Variants in CCDC60 observed in about 807,000 individuals in gnomAD.
CCDC60 encodes coiled-coil domain containing 60.
CCDC60 carries 54 observed loss-of-function variants against 63.5 expected under a neutral mutation model. The ratio of observed to expected loss-of-function variants is 0.85; its 90% CI spans 0.68 to 1.07. CCDC60 has a LOEUF of 1.07. Ranked by LOEUF, CCDC60 falls within the 50% of genes least tolerant of loss-of-function variation. The pLI, the probability that CCDC60 is intolerant of heterozygous loss-of-function variation, is 0.00. For missense variants in CCDC60, 651 were observed against 684.3 expected (o/e 0.95, Z 0.54); for synonymous variants, 206 against 238.8 (o/e 0.86, Z 1.27).
intron 2 of CCDC60, among the ~76,000 whole-genome samples, chr12:119,442,605 GAAGAT>G (rs1365234149): frequency 3.3e-5 from 5 of 152,134 alleles, no homozygotes; most frequent in African/African-American, 9.7e-5. Context: ...ACTATTTAGA[GAAGAT>G]AAGGACTGTT....
intron 1 of CCDC60, among the ~76,000 whole-genome samples, chr12:119,426,095 G>A (rs763412552): frequency 3.3e-5 from 5 of 152,060 alleles, no homozygotes; most frequent in Non-Finnish European, 7.4e-5. Flanking sequence ...CTCTCCACCC[G>A]CTTCACCCAT....
At chr12:119,536,686 G>T (rs892706441) in intron 13 of CCDC60, among the ~76,000 whole-genome samples, 3 of 152,064 alleles carry the variant, frequency 2.0e-5, no homozygotes, top group African/African-American at 7.2e-5. Context: ...GCTTAGTTTG[G>T]CTGGATATGA....
At chr12:119,412,269 A>G (rs1956616645) in intron 1 of CCDC60, among the ~76,000 whole-genome samples, 1 of 149,254 alleles carries the variant, frequency 6.7e-6, no homozygotes, top group African/African-American at 2.4e-5. Context: ...TGCTCTTCAC[A>G]TTAAAAAAAA....
intron 1 of CCDC60, among the ~76,000 whole-genome samples, chr12:119,374,547 G>A (rs1955931739): frequency 6.6e-6 from 1 of 152,118 alleles, no homozygotes. Flanking sequence ...CCTGGAAAGG[G>A]GTCTTGATCG....
chr12:119,482,133 C>T (rs1471665313), intron 4 of CCDC60, among the ~76,000 whole-genome samples: 1 of 140,710 alleles, frequency 7.1e-6, no homozygotes, highest in African/African-American at 2.6e-5. Context: ...CATATATATA[C>T]ACATATATAT....
At chr12:119,386,742 G>C (rs1434106767) in intron 1 of CCDC60, among the ~76,000 whole-genome samples, 1 of 152,060 alleles carries the variant, frequency 6.6e-6, no homozygotes, top group Non-Finnish European at 1.5e-5. Context: ...TAAGACTAAT[G>C]GTACCCAACT....
At chr12:119,358,050 ATC>A (rs1216568748) in intron 1 of CCDC60, among the ~76,000 whole-genome samples, 1 of 152,054 alleles carries the variant, frequency 6.6e-6, no homozygotes, top group East Asian at 1.9e-4. Flanking sequence ...AAACAACCAG[ATC>A]TCATGAGCAC....
intron 1 of CCDC60, among the ~76,000 whole-genome samples, chr12:119,363,997 T>C (rs1446943204): frequency 1.3e-5 from 2 of 152,206 alleles, no homozygotes; most frequent in Non-Finnish European, 2.9e-5. Flanking sequence ...CTTCTTTTGC[T>C]TCCATGGCTC....
chr12:119,463,479 CCA>C (rs1950895881), intron 2 of CCDC60, among the ~76,000 whole-genome samples: 1 of 152,322 alleles, frequency 6.6e-6, no homozygotes, highest in South Asian at 2.1e-4. Context: ...TCTTTCCTGA[CCA>C]CAGTTTCCTT....
At chr12:119,404,983 C>T (rs1049511192) in intron 1 of CCDC60, among the ~76,000 whole-genome samples, 17 of 152,184 alleles carry the variant, frequency 1.1e-4, no homozygotes, top group African/African-American at 4.1e-4. Context: ...CTCTGATTAA[C>T]CCCAGGAAAG....
At position 119,411,415 on chromosome 12, in the gene CCDC60, G is replaced by A. The variant is rs139817707; in HGVS notation, c.91-17268G>A. 4.4e-3 allele frequency among the ~76,000 whole-genome samples: 668 copies of A among 152,128 alleles called. 6 individuals are homozygous for A. Among genetic ancestry groups the A allele is most frequent in the African/African-American group, 0.015 (618 of 41,514 alleles). The stretch of plus-strand genomic sequence containing the variant: ...AGCCAGCTTGGGGGTGAAAAGCCTC[G>A]TTCATGTTCTGAACCCGGGAGGCGG... On this transcript the variant is annotated intron_variant, in intron 1 of 13. Transcript: ENST00000327554.
chr12:119,538,009 G>A (rs1953055716), intron 13 of CCDC60, among the ~76,000 whole-genome samples: 1 of 152,206 alleles, frequency 6.6e-6, no homozygotes, highest in Admixed American at 6.5e-5. Context: ...GTTCAGCTAT[G>A]CCCTGCCCCC....
chr12:119,477,589 T>A (rs1394094157), intron 3 of CCDC60, among the ~76,000 whole-genome samples: 2 of 152,210 alleles, frequency 1.3e-5, no homozygotes, highest in African/African-American at 4.8e-5. Context: ...TAGAAATGAA[T>A]GAATCAGGGA....
Position 119,376,295 on chromosome 12 carries a change from A to G in CCDC60, c.90+41029A>G, listed in dbSNP as rs559959179. Among the ~76,000 whole-genome samples the G allele has an allele frequency of 3.9e-5, 6 of 152,256 alleles. No individual in the cohort carries two copies. The South Asian group carries it at 6.2e-4, about 16-fold the overall frequency. On this transcript the variant is annotated intron_variant, in intron 1 of 13. Coordinates refer to ENST00000327554, the MANE Select transcript of CCDC60 (RefSeq NM_178499.5). Reference sequence around the variant, plus strand: ...TGATCACTTTGATCCCTCCTGTCCTATCTTTCCAGGAATACCTGCAGGTCT... The same window carrying G: ...TGATCACTTTGATCCCTCCTGTCCTGTCTTTCCAGGAATACCTGCAGGTCT...
intron 5 of CCDC60, among the ~76,000 whole-genome samples, chr12:119,496,141 T>G (rs963159955): frequency 1.3e-5 from 2 of 152,196 alleles, no homozygotes; most frequent in African/African-American, 4.8e-5. Context: ...CCCAGAGCTT[T>G]GACCTCTGCC....
At chr12:119,517,369 A>T (rs1724945062) in intron 8 of CCDC60, among the ~76,000 whole-genome samples, 1 of 152,174 alleles carries the variant, frequency 6.6e-6, no homozygotes, top group Non-Finnish European at 1.5e-5. Flanking sequence ...TCTTCTGGTT[A>T]TTCATTCCTC....
chr12:119,432,376 A>G (rs1299719768), intron 2 of CCDC60, among the ~76,000 whole-genome samples: 2 of 152,248 alleles, frequency 1.3e-5, no homozygotes, highest in African/African-American at 4.8e-5. Context: ...ATGGTGCAGC[A>G]GGGACGTTGG....
chr12:119,510,560 CT>C (rs1952188362), intron 7 of CCDC60, among the ~76,000 whole-genome samples: 1 of 152,000 alleles, frequency 6.6e-6, no homozygotes, highest in Admixed American at 6.6e-5. Context: ...CCAGTAGGCC[CT>C]TCTCATGGCT....
At chr12:119,426,650 C>T (rs773815867) in intron 1 of CCDC60, among the ~76,000 whole-genome samples, 27 of 152,172 alleles carry the variant, frequency 1.8e-4, no homozygotes, top group Non-Finnish European at 3.7e-4. Context: ...TGAGCCACTG[C>T]GCCTGGCCCC....
Sources: gnomAD v4.1 joint callset for allele counts (sites outside exome capture counted in the v4.1 genomes callset) on GRCh38, gnomAD v4.1.1 for gene constraint, MANE v1.5 for transcripts, NCBI Gene and HGNC (gene_info 2026-07-23, HGNC 2026-07-21) for gene names.